Variants in TMC2 observed in about 807,000 individuals in gnomAD.
TMC2 encodes the protein transmembrane channel-like protein 2.
Under a neutral mutation model 105.9 loss-of-function variants are expected in TMC2, and 102 were observed. The observed-to-expected ratio is 0.96, with a 90% CI of 0.82 to 1.14. The LOEUF is 1.14. TMC2 is among the 50% of genes most tolerant of loss of function. The probability of loss-of-function intolerance (pLI) is 0.00; values close to 1 mark genes in which losing one functional copy is unlikely to be tolerated. For missense variants in TMC2, 1,093 were observed against 1,134.3 expected, an observed-to-expected ratio of 0.96 and a Z score of 0.52; for synonymous variants, 402 against 422.8, an observed-to-expected ratio of 0.95 and a Z score of 0.60.
intron 6 of TMC2, among the ~76,000 whole-genome samples, chr20:2,579,657 C>T (rs1600110659): frequency 6.6e-6 from 1 of 152,060 alleles, no homozygotes; most frequent in East Asian, 1.9e-4. Context: ...CTCCTGACCT[C>T]AAGTGATCCA....
At chr20:2,573,767 A>G (rs907899731) in intron 5 of TMC2, among the ~76,000 whole-genome samples, 8 of 150,884 alleles carry the variant, frequency 5.3e-5, no homozygotes, top group Admixed American at 2.0e-4. Context: ...TCACCGTGTT[A>G]GCCAGGATGG....
At chr20:2,622,489 G>A (rs930635179) in intron 16 of TMC2, among the ~76,000 whole-genome samples, 2 of 152,082 alleles carry the variant, frequency 1.3e-5, no homozygotes, top group East Asian at 1.9e-4. Context: ...CCAACATGGC[G>A]AAACCCCGTC....
At chr20:2,594,707 T>A in intron 8 of TMC2, 118 bp from the exon 9 acceptor site, 2 of 1,106,124 alleles carry the variant, frequency 1.8e-6, no homozygotes, top group Non-Finnish European at 2.6e-6. Flanking sequence ...GAACTCTTCC[T>A]TCGGCCCTTA....
At chr20:2,591,231 A>G (rs1320004368) in intron 7 of TMC2, among the ~76,000 whole-genome samples, 1 of 152,226 alleles carries the variant, frequency 6.6e-6, no homozygotes, top group African/African-American at 2.4e-5. Flanking sequence ...TTTTTATTAG[A>G]TATTTTTGAA....
intron 7 of TMC2, among the ~76,000 whole-genome samples, chr20:2,582,241 AT>A (rs1366365571): frequency 6.6e-6 from 1 of 152,136 alleles, no homozygotes; most frequent in Non-Finnish European, 1.5e-5. Flanking sequence ...ATTTAGGATG[AT>A]GGGAAATTGG....
chr20:2,546,801 G>A (rs1012089970), intron 2 of TMC2, among the ~76,000 whole-genome samples: 1 of 152,092 alleles, frequency 6.6e-6, no homozygotes, highest in African/African-American at 2.4e-5. Flanking sequence ...GACTTAAACT[G>A]GTTGAGGGTA....
rs2085995831 is a variant in TMC2 at position 2,558,130 on chromosome 20, C to T, written c.83-326C>T. 2.9e-6 allele frequency: 1 copy of T among 347,740 alleles called. No homozygotes were observed. The highest frequency in any genetic ancestry group is 3.8e-5 in the South Asian group (1 of 26,420). The allele number at this position is 347,740 out of a possible 1,614,324, so 21.5% of individuals were successfully genotyped here. A position where few individuals can be genotyped will look rare whatever the true frequency, so the allele number is the denominator to read the frequency against. Reference sequence around the variant, plus strand: ...ATCAACCAGGGGGAAGTAGCAAGGCCTGTTTGTTCCGATTCCTCTTGGCCT... The same window carrying T: ...ATCAACCAGGGGGAAGTAGCAAGGCTTGTTTGTTCCGATTCCTCTTGGCCT... On this transcript the variant is annotated intron_variant, in intron 2 of 19. Transcript: ENST00000358864. This position sits in a 1 kb window ranked among gnomAD's most constrained non-coding sequence, Gnocchi z 4.6.
At chr20:2,565,669 T>C (rs1039626622) in intron 4 of TMC2, among the ~76,000 whole-genome samples, 11 of 152,218 alleles carry the variant, frequency 7.2e-5, no homozygotes, top group African/African-American at 2.7e-4. Context: ...CTTTTAGAAA[T>C]AGTAGTGTGG....
chr20:2,544,435 G>C (rs910608916), intron 2 of TMC2, among the ~76,000 whole-genome samples: 2 of 152,146 alleles, frequency 1.3e-5, no homozygotes, highest in Non-Finnish European at 2.9e-5. Flanking sequence ...CCCGAATCTA[G>C]AGTCCATGTA....
chr20:2,625,691 G>A (rs895516369), intron 17 of TMC2, among the ~76,000 whole-genome samples: 4 of 152,176 alleles, frequency 2.6e-5, no homozygotes, highest in Admixed American at 6.5e-5. Context: ...TGCAAACTGC[G>A]CTCCAGCCAA....
Position 2,617,126 on chromosome 20 carries a change from G to C in TMC2, c.1995G>C (p.Leu665=), listed in dbSNP as rs1568526535. ...TGGGCATTAATGTGCTGCGCCTGCTGACCTCCATGTACTTCCAGTGCTGGG... is the reference window on the plus strand; with the variant it reads ...TGGGCATTAATGTGCTGCGCCTGCTCACCTCCATGTACTTCCAGTGCTGGG... ...GLVGINVLRL[L]TSMYFQCWAV... Residue 665 remains leucine, a synonymous_variant, in exon 16 of 20, where the codon CTG becomes CTC. Transcript: ENST00000358864. The C allele has an allele frequency of 6.2e-7, 1 of 1,614,080 alleles. No individual in the cohort carries two copies. Among genetic ancestry groups the C allele is most frequent in the Non-Finnish European group, 8.5e-7 (1 of 1,180,050 alleles).
intron 9 of TMC2, among the ~76,000 whole-genome samples, chr20:2,595,179 T>C (rs1341924429): frequency 6.6e-6 from 1 of 152,178 alleles, no homozygotes; most frequent in Non-Finnish European, 1.5e-5. Flanking sequence ...CCCCTTTGGA[T>C]GAGGCTGAGA....
intron 9 of TMC2, among the ~76,000 whole-genome samples, chr20:2,596,064 G>A (rs930548887): frequency 7.9e-5 from 12 of 152,176 alleles, no homozygotes; most frequent in East Asian, 3.9e-4. Flanking sequence ...CAAAGTTTTC[G>A]TGACAAACCA....
At chr20:2,548,551 T>C (rs1395243564) in intron 2 of TMC2, among the ~76,000 whole-genome samples, 1 of 151,866 alleles carries the variant, frequency 6.6e-6, no homozygotes, top group Non-Finnish European at 1.5e-5. Context: ...GGCAGGAGAA[T>C]TGCTTGAACC....
chr20:2,636,025 A>C lies in TMC2; in HGVS notation c.2385+21A>C, dbSNP rs370371144. On this transcript the variant is annotated intron_variant, in intron 18 of 19. Transcript: ENST00000358864. Reference sequence around the variant, plus strand: ...AAGTGGTGAGTCTGTTGGGAGTTTCATCCTGGACGGTAAAAAGAGATCATG... The same window carrying C: ...AAGTGGTGAGTCTGTTGGGAGTTTCCTCCTGGACGGTAAAAAGAGATCATG... 7.5e-6 allele frequency: 12 copies of C among 1,606,566 alleles called. No individual in the cohort carries two copies. In the African/African-American group the frequency reaches 1.6e-4, roughly 21 times the overall value.
intron 10 of TMC2, among the ~76,000 whole-genome samples, chr20:2,600,843 C>T (rs1176441911): frequency 6.7e-6 from 1 of 150,160 alleles, no homozygotes; most frequent in Non-Finnish European, 1.5e-5. Flanking sequence ...AAAATTTAGC[C>T]GGGTGTGGTG....
intron 2 of TMC2, among the ~76,000 whole-genome samples, chr20:2,552,037 T>C (rs990995421): frequency 6.6e-6 from 1 of 152,086 alleles, no homozygotes; most frequent in Admixed American, 6.6e-5. Flanking sequence ...ACTGGGAGGA[T>C]TGTTTGATCC....
At chr20:2,608,649 T>C (rs2086412360) in intron 11 of TMC2, among the ~76,000 whole-genome samples, 1 of 152,132 alleles carries the variant, frequency 6.6e-6, no homozygotes, top group African/African-American at 2.4e-5. Context: ...CTTTAGTCAC[T>C]CTTACTCTTC....
At chr20:2,551,412 T>TA (rs2085956290) in intron 2 of TMC2, among the ~76,000 whole-genome samples, 2 of 151,566 alleles carry the variant, frequency 1.3e-5, no homozygotes, top group African/African-American at 4.9e-5. Flanking sequence ...TTTTTTTTTT[T>TA]AATTCTCTTC....
Sources: allele counts gnomAD v4.1 joint callset (sites outside exome capture counted in the v4.1 genomes callset), GRCh38; gene constraint gnomAD v4.1.1; non-coding constraint Gnocchi (gnomAD v3.1); transcripts MANE v1.5; gene names NCBI Gene and HGNC (gene_info 2026-07-23, HGNC 2026-07-21).